DOCK5: variants seen among roughly 807,000 people sequenced by gnomAD.
DOCK5 encodes the protein dedicator of cytokinesis protein 5.
A neutral mutation model predicts 251.8 loss-of-function variants in DOCK5; 142 were observed. The observed-to-expected ratio is 0.56, with a 90% CI of 0.49 to 0.65. DOCK5 has a LOEUF of 0.65. Ranked by LOEUF, DOCK5 falls within the 30% of genes least tolerant of loss-of-function variation. DOCK5 has a pLI of 0.00. For missense variants in DOCK5, 2,111 were observed against 2,312.3 expected (o/e 0.91, Z 1.79); for synonymous variants, 842 against 835.5 (o/e 1.01, Z -0.13).
At chr8:25,377,538 C>A in intron 38 of DOCK5, 114 bp downstream of exon 38, 1 of 1,328,428 alleles carries the variant, frequency 7.5e-7, no homozygotes, top group Non-Finnish European at 1.0e-6. Context: ...GTTCAGGGCA[C>A]TGTCTCCAAC....
At chr8:25,328,075 C>G (rs527553045) in intron 18 of DOCK5, among the ~76,000 whole-genome samples, 1 of 152,112 alleles carries the variant, frequency 6.6e-6, no homozygotes, top group South Asian at 2.1e-4. Flanking sequence ...AGTCGCATTT[C>G]AAGCATTCTG....
At chr8:25,264,576 A>G (rs879404861) in intron 2 of DOCK5, among the ~76,000 whole-genome samples, 13 of 151,982 alleles carry the variant, frequency 8.6e-5, no homozygotes, top group Non-Finnish European at 1.9e-4. Flanking sequence ...CTGTAATCCC[A>G]GCACTTTGGG....
At chr8:25,328,930 T>C (rs1805623155) in intron 18 of DOCK5, among the ~76,000 whole-genome samples, 1 of 152,180 alleles carries the variant, frequency 6.6e-6, no homozygotes, top group South Asian at 2.1e-4. Context: ...AGTTTTAAAG[T>C]GGCAAAAAAT....
chr8:25,358,851 A>G (rs1800624800), intron 27 of DOCK5, 112 bp from the exon 28 acceptor site: 1 of 855,074 alleles, frequency 1.2e-6, no homozygotes, highest in Admixed American at 1.8e-5. Context: ...GTGTGGTGGG[A>G]TACCTGCGTG....
intron 1 of DOCK5, among the ~76,000 whole-genome samples, chr8:25,206,148 G>A (rs1801994777): frequency 6.6e-6 from 1 of 152,150 alleles, no homozygotes. Flanking sequence ...TGGGGACCTG[G>A]CACAGCGTGA....
At chr8:25,314,683 T>TCCATCC (rs1805193030) in intron 13 of DOCK5, among the ~76,000 whole-genome samples, 2 of 13,872 alleles carry the variant, frequency 1.4e-4, no homozygotes, top group African/African-American at 3.5e-4. Context: ...TCCATGTATC[T>TCCATCC]ATCCATCCAT....
At chr8:25,403,953 C>T (rs1801481837) in intron 48 of DOCK5, among the ~76,000 whole-genome samples, 1 of 152,078 alleles carries the variant, frequency 6.6e-6, no homozygotes, top group South Asian at 2.1e-4. Flanking sequence ...ATAGTCATTA[C>T]CTATTTTTTT....
intron 28 of DOCK5, among the ~76,000 whole-genome samples, chr8:25,362,462 C>CTTTTTTTTTTTTTTTTTTTTTTTTTTTT (rs869096662): frequency 1.7e-3 from 94 of 54,630 alleles, no homozygotes; most frequent in East Asian, 2.4e-3. Context: ...CTTTTCTTTT[C>CTTTTTTTTTTTTTTTTTTTTTTTTTTTT]TTTTTTTTTT....
intron 2 of DOCK5, among the ~76,000 whole-genome samples, chr8:25,252,515 G>C (rs746510871): frequency 1.3e-5 from 2 of 152,202 alleles, no homozygotes; most frequent in African/African-American, 4.8e-5. Context: ...ATGACGCTGC[G>C]TGCAAATATT....
In DOCK5 at chr8:25,272,153, C is replaced by T. The variant is rs140894321; in HGVS notation, c.169-3233C>T. On this transcript the variant is annotated intron_variant, in intron 3 of 51. Coordinates refer to ENST00000276440, the MANE Select transcript of DOCK5 (RefSeq NM_024940.8). ...AAGCAATCCTCCTGCCTCAGCCTCC[C>T]GTGTAGCTGGGACCATTGGCATGTG... Among the ~76,000 whole-genome samples the T allele has an allele frequency of 2.5e-3, 383 of 152,070 alleles. 2 individuals carry two copies. The highest frequency in any genetic ancestry group is 8.7e-3 in the African/African-American group (362 of 41,470).
chr8:25,213,123 A>T lies in DOCK5; in HGVS notation c.43+28172A>T, dbSNP rs1332803372. On this transcript the variant is annotated intron_variant, in intron 1 of 51. Coordinates refer to ENST00000276440, the MANE Select transcript of DOCK5 (RefSeq NM_024940.8). Reference sequence around the variant, plus strand: ...GCGTGTGTGTTGGAATGGAAGATGGAAAGTTAAACCTTGGGCTCAGTGGGC... The same window carrying T: ...GCGTGTGTGTTGGAATGGAAGATGGTAAGTTAAACCTTGGGCTCAGTGGGC... Among the ~76,000 whole-genome samples, 2 of 18,502 alleles carry T rather than the reference A, an allele frequency of 1.1e-4. 1 individual carries two copies. The highest frequency in any genetic ancestry group is 1.6e-4 in the African/African-American group (2 of 12,812). 12.1% of individuals were successfully genotyped at this position (18,502 alleles called of 152,430 possible). A position where few individuals can be genotyped will look rare whatever the true frequency, so the allele number is the denominator to read the frequency against.
intron 1 of DOCK5, among the ~76,000 whole-genome samples, chr8:25,233,944 A>G (rs931281810): frequency 1.3e-5 from 2 of 152,144 alleles, no homozygotes; most frequent in Admixed American, 6.5e-5. Context: ...CAATTTCAGT[A>G]GGGTGTGATT....
chr8:25,403,571 C>A lies in DOCK5; in HGVS notation c.4940C>A (p.Thr1647Lys). Reference protein sequence around the residue: ...YGVITLPPNLTERKQSRTGSI... With the variant: ...YGVITLPPNLKERKQSRTGSI... ...ATATGTTTTCAGCCACCCAACTTGA[C>A]GGAGAGGAAGCAAAGCCGCACGGGG... The change falls in exon 48 of 52, where the codon ACG (threonine) becomes AAG (lysine). Residue 1647 changes from threonine to lysine, a missense_variant. Transcript: ENST00000276440. 1 of 1,613,690 alleles carries A rather than the reference C, an allele frequency of 6.2e-7. No individual in the cohort carries two copies. Among genetic ancestry groups the A allele is most frequent in the Admixed American group, 1.7e-5 (1 of 59,984 alleles).
intron 9 of DOCK5, 116 bp from the exon 10 acceptor site, chr8:25,302,209 C>T (rs1804784673): frequency 6.0e-6 from 8 of 1,329,214 alleles, no homozygotes; most frequent in Non-Finnish European, 7.9e-6. Flanking sequence ...TCTAATACTT[C>T]AGCATTGAGA....
At chr8:25,240,628 G>C (rs1323777215) in intron 1 of DOCK5, among the ~76,000 whole-genome samples, 2 of 152,202 alleles carry the variant, frequency 1.3e-5, no homozygotes, top group East Asian at 3.8e-4. Flanking sequence ...GTTGCAGTAT[G>C]TGTCTGTATT....
intron 5 of DOCK5, among the ~76,000 whole-genome samples, chr8:25,279,216 T>C (rs1464181352): frequency 1.3e-5 from 2 of 152,154 alleles, no homozygotes; most frequent in Non-Finnish European, 1.5e-5. Flanking sequence ...CTCACAGTAT[T>C]CTTTCTCCCA....
At chr8:25,255,111 C>T (rs1411966344) in intron 2 of DOCK5, among the ~76,000 whole-genome samples, 1 of 152,148 alleles carries the variant, frequency 6.6e-6, no homozygotes, top group African/African-American at 2.4e-5. Flanking sequence ...GATGGGAATG[C>T]AAAATGGTAC....
intron 1 of DOCK5, among the ~76,000 whole-genome samples, chr8:25,242,752 G>C (rs535568030): frequency 2.0e-5 from 3 of 152,192 alleles, no homozygotes; most frequent in African/African-American, 4.8e-5. Context: ...GGTGGCTGAG[G>C]TCACCTTGAT....
At chr8:25,251,545 A>G (rs1207233971) in intron 2 of DOCK5, among the ~76,000 whole-genome samples, 2 of 152,216 alleles carry the variant, frequency 1.3e-5, no homozygotes, top group African/African-American at 2.4e-5. Context: ...ATAAAAATGT[A>G]TTAAGACTTG....
Sources: allele counts gnomAD v4.1 joint callset (sites outside exome capture counted in the v4.1 genomes callset), GRCh38; gene constraint gnomAD v4.1.1; transcripts MANE v1.5; gene names NCBI Gene and HGNC (gene_info 2026-07-23, HGNC 2026-07-21).